Variants in LAMA2 observed in about 807,000 individuals in gnomAD.
The protein encoded by LAMA2 is laminin subunit alpha-2.
A neutral mutation model predicts 364.8 loss-of-function variants in LAMA2; 269 were observed. The ratio of observed to expected loss-of-function variants is 0.74; its 90% CI spans 0.67 to 0.82. The LOEUF (loss-of-function observed/expected upper bound fraction) is 0.82, where lower values mean the gene tolerates loss of function less well. Ranked by LOEUF, LAMA2 falls within the 40% of genes least tolerant of loss-of-function variation. LAMA2 has a pLI of 0.00. For synonymous variants in LAMA2, 1,379 were observed against 1,370.6 expected, an observed-to-expected ratio of 1.01 and a Z score of -0.14; for missense variants, 3,807 against 3,873.2, an observed-to-expected ratio of 0.98 and a Z score of 0.45.
chr6:129,093,285 G>A lies in LAMA2; in HGVS notation c.397-4888G>A, dbSNP rs536309974. ...ATTACAGGCGTGAGCCACCGTGCCC[G>A]GCCGAGGATTTTTTTTTTTTTTTAA... On this transcript the variant is annotated intron_variant, in intron 3 of 64. Coordinates refer to ENST00000421865, the MANE Select transcript of LAMA2 (RefSeq NM_000426.4). Among the ~76,000 whole-genome samples, 34 of 73,934 alleles carry A rather than the reference G, an allele frequency of 4.6e-4. No homozygotes were observed. The South Asian group carries it at 6.3e-3, about 14-fold the overall frequency. 48.5% of individuals were successfully genotyped at this position (73,934 alleles called of 152,430 possible).
At chr6:129,063,880 A>G (rs968022866) in intron 3 of LAMA2, among the ~76,000 whole-genome samples, 5 of 152,214 alleles carry the variant, frequency 3.3e-5, no homozygotes, top group Non-Finnish European at 7.4e-5. Context: ...TGTGAATAGT[A>G]TAAAATGATT....
At chr6:129,481,979 A>G (rs1277113256) in intron 55 of LAMA2, among the ~76,000 whole-genome samples, 2 of 152,158 alleles carry the variant, frequency 1.3e-5, no homozygotes, top group Non-Finnish European at 2.9e-5. Flanking sequence ...GGACAATTTT[A>G]TCCCAATAGC....
chr6:129,190,286 G>T lies in LAMA2; in HGVS notation c.1549G>T (p.Glu517Ter). ...LQEDNWKGCD[E>*]CFCSGVSNRC... The stretch of plus-strand genomic sequence containing the variant: ...AGAGGATAATTGGAAAGGCTGCGAT[G>T]AGTGTTTCTGTTCAGGGGTTTCAAA... The change falls in exon 11 of 65, where the codon GAG (glutamate) becomes TAG (stop). Residue 517 changes from glutamate (E) to a stop codon, truncating the protein, a stop_gained. Transcript: ENST00000421865. LOFTEE classifies it high-confidence loss of function. 6.2e-7 allele frequency: 1 copy of T among 1,613,712 alleles called. No homozygotes were observed. Among genetic ancestry groups the T allele is most frequent in the South Asian group, 1.1e-5 (1 of 91,070 alleles).
intron 1 of LAMA2, among the ~76,000 whole-genome samples, chr6:128,918,295 T>C (rs1053856333): frequency 6.6e-6 from 1 of 152,178 alleles, no homozygotes; most frequent in Admixed American, 6.5e-5. Context: ...GATTTTTAGA[T>C]ATATTGGGGA....
rs1784591845 is a variant in LAMA2, at chr6:129,486,500, G to A, written c.7776G>A (p.Arg2592=). Residue 2592 remains arginine (R), a synonymous_variant, in exon 56 of 65, where the codon AGG becomes AGA. Coordinates refer to ENST00000421865, the MANE Select transcript of LAMA2 (RefSeq NM_000426.4). ...CCTATTATGCAATACTCCTCAACAG[G>A]GGCCGTCTGGAAGTGCATCTCTCCA... is the stretch of plus-strand genomic sequence containing the variant. ...GQAYYAILLN[R]GRLEVHLSTG... The A allele has an allele frequency of 1.2e-6, 2 of 1,613,762 alleles. No homozygotes were observed. Among genetic ancestry groups the A allele is most frequent in the East Asian group, 2.2e-5 (1 of 44,838 alleles).
At position 129,478,679 on chromosome 6, in the gene LAMA2, T is replaced by TGACTA. The variant is rs759476469; in HGVS notation, c.7452-13_7452-9dup. 2 of 1,613,358 alleles carry TGACTA rather than the reference T, an allele frequency of 1.2e-6. No individual in the cohort carries two copies. Among genetic ancestry groups the TGACTA allele is most frequent in the South Asian group, 2.2e-5 (2 of 91,076 alleles). On this transcript the variant is annotated splice_polypyrimidine_tract_variant and intron_variant, in intron 53 of 64. Transcript: ENST00000421865. ...AATGATATTGCTTTTGCTTTTCATT[T>TGACTA]GACTATTCAATAGGCCAGAAGTAAA...
intron 1 of LAMA2, among the ~76,000 whole-genome samples, chr6:128,973,125 G>A (rs1304462101): frequency 1.3e-5 from 2 of 152,214 alleles, no homozygotes; most frequent in East Asian, 3.9e-4. Context: ...TTCAACTATT[G>A]CTGTCCTAAT....
At chr6:129,125,650 C>T (rs1777069004) in intron 4 of LAMA2, among the ~76,000 whole-genome samples, 2 of 152,236 alleles carry the variant, frequency 1.3e-5, no homozygotes, top group Middle Eastern at 3.4e-3. Flanking sequence ...ATTCTATTTG[C>T]TTCCTAAGAA....
chr6:129,339,876 G>A (rs779357543), intron 29 of LAMA2, among the ~76,000 whole-genome samples: 1 of 152,080 alleles, frequency 6.6e-6, no homozygotes, highest in South Asian at 2.1e-4. Flanking sequence ...GGTTACGCAT[G>A]CCTGTAATCT....
chr6:129,163,275 C>A, intron 8 of LAMA2, among the ~76,000 whole-genome samples: 1 of 152,002 alleles, frequency 6.6e-6, no homozygotes, highest in African/African-American at 2.4e-5. Flanking sequence ...GGATCATTTC[C>A]ATTCATCTGT....
chr6:129,212,941 T>C (rs911868729), intron 12 of LAMA2, among the ~76,000 whole-genome samples: 3 of 152,236 alleles, frequency 2.0e-5, no homozygotes, highest in African/African-American at 7.2e-5. Flanking sequence ...GGTGGCTGTC[T>C]TTCTGTTGCT....
chr6:129,219,101 TAGC>T (rs1422140021), intron 12 of LAMA2, among the ~76,000 whole-genome samples: 4 of 152,254 alleles, frequency 2.6e-5, no homozygotes, highest in African/African-American at 9.6e-5. Context: ...CACTCTAAAA[TAGC>T]AGTCTCCAAG....
intron 4 of LAMA2, among the ~76,000 whole-genome samples, chr6:129,132,646 A>G (rs929853437): frequency 5.9e-5 from 9 of 152,174 alleles, no homozygotes; most frequent in Admixed American, 2.0e-4. Context: ...CAGGCTGTCC[A>G]GGTTGGTAAC....
At chr6:129,462,102 T>G (rs903512107) in intron 49 of LAMA2, among the ~76,000 whole-genome samples, 1 of 151,798 alleles carries the variant, frequency 6.6e-6, no homozygotes, top group African/African-American at 2.4e-5. Flanking sequence ...CTGAAACCAG[T>G]AAGAGCAAAG....
chr6:129,101,171 TG>T (rs1775500045), intron 4 of LAMA2, among the ~76,000 whole-genome samples: 2 of 152,100 alleles, frequency 1.3e-5, no homozygotes, highest in South Asian at 4.1e-4. Context: ...GTAACAGTAG[TG>T]TATACAGAGA....
At chr6:129,328,236 A>G (rs1562463624) in intron 28 of LAMA2, 42 bp from the exon 29 acceptor site, 1 of 1,556,336 alleles carries the variant, frequency 6.4e-7, no homozygotes, top group Admixed American at 1.7e-5. Flanking sequence ...CTAATGCAGT[A>G]TTTCTAACTT....
intron 29 of LAMA2, among the ~76,000 whole-genome samples, chr6:129,341,802 AAAG>A (rs1776281656): frequency 3.3e-5 from 5 of 152,258 alleles, no homozygotes; most frequent in Admixed American, 3.3e-4. Context: ...CAAGCATAAG[AAAG>A]AAGATATCGA....
chr6:129,292,295 G>A (rs751251599), intron 20 of LAMA2, among the ~76,000 whole-genome samples: 5 of 152,146 alleles, frequency 3.3e-5, no homozygotes, highest in East Asian at 3.9e-4. Context: ...GCAGTGAGCC[G>A]AGATAGTGCC....
intron 47 of LAMA2, 116 bp downstream of exon 47, chr6:129,454,404 C>T (rs1377290443): frequency 2.5e-6 from 2 of 784,732 alleles, no homozygotes; most frequent in Non-Finnish European, 4.2e-6. Flanking sequence ...TGCATGTAAA[C>T]ACATGTGTAT....
Sources: gnomAD v4.1 joint callset for allele counts (sites outside exome capture counted in the v4.1 genomes callset) on GRCh38, gnomAD v4.1.1 for gene constraint, MANE v1.5 for transcripts, NCBI Gene and HGNC (gene_info 2026-07-23, HGNC 2026-07-21) for gene names.